The following GOLM2 variants were observed in gnomAD, a reference collection of about 807,000 sequenced individuals.
GOLM2 encodes the protein golgi membrane protein 2.
In GOLM2, 26 loss-of-function variants were observed where a neutral mutation model predicts 55.9. The observed-to-expected ratio is 0.47, with a 90% confidence interval of 0.34 to 0.65. The LOEUF (loss-of-function observed/expected upper bound fraction) is 0.65, where lower values mean the gene tolerates loss of function less well. Ranked by LOEUF, GOLM2 falls within the 30% of genes least tolerant of loss-of-function variation. The pLI, the probability that GOLM2 is intolerant of heterozygous loss-of-function variation, is 0.01. For synonymous variants in GOLM2, 165 were observed against 194.6 expected, an observed-to-expected ratio of 0.85 and a Z score of 1.27; for missense variants, 486 against 531.8, an observed-to-expected ratio of 0.91 and a Z score of 0.85.
intron 6 of GOLM2, among the ~76,000 whole-genome samples, chr15:44,350,620 T>A (rs1361462421): frequency 6.6e-6 from 1 of 152,250 alleles, no homozygotes; most frequent in East Asian, 1.9e-4. Context: ...AAACTCATTC[T>A]AGGAGACGAG....
intron 8 of GOLM2, among the ~76,000 whole-genome samples, chr15:44,391,528 A>T (rs1310630649): frequency 2.0e-5 from 3 of 152,016 alleles, no homozygotes; most frequent in Non-Finnish European, 4.4e-5. Flanking sequence ...AAAAAAAAAA[A>T]AGAAATTGGA....
Position 44,332,003 on chromosome 15 carries a change from G to A in GOLM2, c.501G>A (p.Gln167=), listed in dbSNP as rs747689663. ...RLEYESFQCG[Q]QMKELRAQHE... ...TGTAATTTAGTTTTCAGTGTGGACA[G>A]CAGATGAAGGAATTGAGAGCACAGC... The change falls in exon 4 of 10, where the codon CAG becomes CAA. Residue 167 remains glutamine (Q), a synonymous_variant. Coordinates refer to ENST00000299957, the MANE Select transcript of GOLM2 (RefSeq NM_138423.4). 6.2e-7 allele frequency: 1 copy of A among 1,603,936 alleles called. No homozygotes were observed. Among genetic ancestry groups the A allele is most frequent in the Non-Finnish European group, 8.5e-7 (1 of 1,173,442 alleles).
chr15:44,413,394 T>A lies in GOLM2; in HGVS notation c.1299T>A (p.Asn433Lys), dbSNP rs202128592. Reference protein sequence around the residue: ...DPADYGKQHFNDVL With the variant: ...DPADYGKQHFKDVL The stretch of plus-strand genomic sequence containing the variant: ...CAGACTATGGAAAGCAACATTTCAA[T>A]GATGTCCTTTAAGTCCTAAAGGAAT... The change falls in exon 10 of 10, where the codon AAT (asparagine) becomes AAA (lysine). Residue 433 changes from asparagine (N) to lysine (K), a missense_variant. Coordinates refer to ENST00000299957, the MANE Select transcript of GOLM2 (RefSeq NM_138423.4). 1.2e-6 allele frequency: 2 copies of A among 1,609,744 alleles called. No homozygotes were observed. Among genetic ancestry groups the A allele is most frequent in the East Asian group, 4.5e-5 (2 of 44,726 alleles).
chr15:44,379,401 G>A (rs942483566), intron 6 of GOLM2, among the ~76,000 whole-genome samples: 7 of 152,014 alleles, frequency 4.6e-5, no homozygotes, highest in African/African-American at 1.7e-4. Flanking sequence ...TCGCTGGAAC[G>A]CGGGAGGCAG....
At chr15:44,303,256 G>A (rs1389373371) in intron 1 of GOLM2, among the ~76,000 whole-genome samples, 1 of 151,978 alleles carries the variant, frequency 6.6e-6, no homozygotes, top group East Asian at 1.9e-4. Context: ...GAACCAACGG[G>A]TGCATAAATA....
Position 44,337,803 on chromosome 15 carries a change from T to G in GOLM2, c.617T>G (p.Leu206Trp). ...ATTCAATCAAATGATGGAAAGGAAT[T>G]GGATATAAACAATCAAGTAGTACCT... ...QKIQSNDGKE[L>W]DINNQVVPKN... The change falls in exon 5 of 10, where the codon TTG (leucine) becomes TGG (tryptophan). Residue 206 changes from leucine to tryptophan, a missense_variant. Coordinates refer to ENST00000299957, the MANE Select transcript of GOLM2 (RefSeq NM_138423.4). 1.9e-6 allele frequency: 3 copies of G among 1,595,124 alleles called. No homozygotes were observed. The highest frequency in any genetic ancestry group is 2.6e-6 in the Non-Finnish European group (3 of 1,175,432).
intron 8 of GOLM2, among the ~76,000 whole-genome samples, chr15:44,395,966 AG>A (rs1367552415): frequency 3.9e-5 from 6 of 152,228 alleles, no homozygotes; most frequent in Non-Finnish European, 7.3e-5. Context: ...TTTATAGGTC[AG>A]TGATACCATG....
intron 9 of GOLM2, among the ~76,000 whole-genome samples, chr15:44,410,323 C>T (rs1474607142): frequency 6.6e-6 from 1 of 152,076 alleles, no homozygotes; most frequent in Non-Finnish European, 1.5e-5. Flanking sequence ...CGCCTGTACT[C>T]GGGAGGCTGA....
intron 6 of GOLM2, among the ~76,000 whole-genome samples, chr15:44,369,926 G>A (rs1296490268): frequency 2.0e-5 from 3 of 152,048 alleles, no homozygotes; most frequent in African/African-American, 7.2e-5. Context: ...CGATCACAAG[G>A]TCCCACATTA....
chr15:44,407,746 G>A (rs1398829363), intron 9 of GOLM2, among the ~76,000 whole-genome samples: 2 of 151,068 alleles, frequency 1.3e-5, no homozygotes, highest in Non-Finnish European at 1.5e-5. Context: ...ACTGCACCCA[G>A]GCGATAGAGC....
chr15:44,326,034 C>T (rs576478989), intron 2 of GOLM2, among the ~76,000 whole-genome samples: 4 of 152,078 alleles, frequency 2.6e-5, no homozygotes, highest in African/African-American at 7.2e-5. Context: ...GAGGCTGAGG[C>T]GGGCAGATCA....
At chr15:44,309,180 A>G (rs971624163) in intron 1 of GOLM2, among the ~76,000 whole-genome samples, 6 of 152,214 alleles carry the variant, frequency 3.9e-5, no homozygotes, top group African/African-American at 9.6e-5. Flanking sequence ...ACCCTTGAAC[A>G]TTGTTGGTGG....
chr15:44,362,612 A>T (rs1199646199), intron 6 of GOLM2, among the ~76,000 whole-genome samples: 2 of 152,190 alleles, frequency 1.3e-5, no homozygotes, highest in Non-Finnish European at 2.9e-5. Flanking sequence ...AAATGGCCAT[A>T]CTGCCCAAGG....
intron 1 of GOLM2, among the ~76,000 whole-genome samples, chr15:44,319,211 A>G (rs35318279): frequency 0.015 from 2,274 of 152,040 alleles, 59 homozygotes; most frequent in Non-Finnish European, 0.017. Context: ...TGTTATCCTC[A>G]GTTTCCATTT....
intron 2 of GOLM2, among the ~76,000 whole-genome samples, chr15:44,327,367 C>T (rs1444033769): frequency 6.6e-6 from 1 of 151,836 alleles, no homozygotes; most frequent in African/African-American, 2.4e-5. Context: ...CCAGCCTGGG[C>T]AAAATAGTGA....
chr15:44,387,645 C>G (rs1424544550), intron 8 of GOLM2, among the ~76,000 whole-genome samples: 1 of 151,868 alleles, frequency 6.6e-6, no homozygotes, highest in African/African-American at 2.4e-5. Flanking sequence ...GCCTGTAATC[C>G]CAGCTACTTG....
Position 44,289,369 on chromosome 15 carries a change from C to G in GOLM2, c.327+13C>G. On this transcript the variant is annotated intron_variant, in intron 1 of 9. Transcript: ENST00000299957. The surrounding 1 kb of genome is among the most constrained non-coding windows in gnomAD (Gnocchi z 4.8). ...CGAGGATGACAAGGTAAGGACGACCCTTTTCTCTTCAAACCCCATGGTTTC... is the reference window on the plus strand; with the variant it reads ...CGAGGATGACAAGGTAAGGACGACCGTTTTCTCTTCAAACCCCATGGTTTC... The G allele has an allele frequency of 6.3e-7, 1 of 1,599,838 alleles. No homozygotes were observed. Among genetic ancestry groups the G allele is most frequent in the African/African-American group, 1.3e-5 (1 of 74,570 alleles).
chr15:44,303,768 G>A (rs1484012051), intron 1 of GOLM2, among the ~76,000 whole-genome samples: 4 of 133,018 alleles, frequency 3.0e-5, no homozygotes, highest in South Asian at 2.4e-4. Flanking sequence ...ACAGAGTCTC[G>A]CCCTGTCACC....
At chr15:44,349,479 A>G (rs904260466) in intron 6 of GOLM2, among the ~76,000 whole-genome samples, 2 of 152,220 alleles carry the variant, frequency 1.3e-5, no homozygotes, top group Non-Finnish European at 2.9e-5. Flanking sequence ...GCATTGGAAC[A>G]CCCTGATACA....
Sources: gnomAD v4.1 joint callset for allele counts (sites outside exome capture counted in the v4.1 genomes callset) on GRCh38, gnomAD v4.1.1 for gene constraint, Gnocchi (gnomAD v3.1) non-coding constraint, MANE v1.5 for transcripts, NCBI Gene and HGNC (gene_info 2026-07-23, HGNC 2026-07-21) for gene names.